MINK1: variants seen among roughly 807,000 people sequenced by gnomAD.
The protein encoded by MINK1 is misshapen-like kinase 1.
In MINK1, 46 loss-of-function variants were observed where a neutral mutation model predicts 178.4. The ratio of observed to expected loss-of-function variants is 0.26; its 90% CI spans 0.20 to 0.33. MINK1 has a LOEUF of 0.33. MINK1 is among the 10% of genes least tolerant of loss of function. The pLI is 1.00. For synonymous variants in MINK1, 797 were observed against 709.7 expected, an observed-to-expected ratio of 1.12 and a Z score of -1.96; for missense variants, 1,366 against 1,814.9, an observed-to-expected ratio of 0.75 and a Z score of 4.49.
At chr17:4,874,537 G>A (rs1189592087) in intron 1 of MINK1, among the ~76,000 whole-genome samples, 1 of 152,156 alleles carries the variant, frequency 6.6e-6, no homozygotes, top group African/African-American at 2.4e-5. Flanking sequence ...CAGGAGGGAG[G>A]ACATGAGGGA....
chr17:4,890,548 G>A lies in MINK1; in HGVS notation c.1379G>A (p.Arg460Gln), dbSNP rs371737553. 6.3e-7 allele frequency: 1 copy of A among 1,589,994 alleles called. No homozygotes were observed. The highest frequency in any genetic ancestry group is 1.1e-5 in the South Asian group (1 of 86,994). ...AAGCGGAAGCAGCTGGAGGAGCAGC[G>A]GCAGTCAGAACGTCTCCAGAGGCAG... is the stretch of plus-strand genomic sequence containing the variant. ...EYKRKQLEEQ[R>Q]QSERLQRQLQ... Residue 460 changes from arginine (R) to glutamine (Q), a missense_variant, in exon 14 of 32, where the codon CGG becomes CAG. Physicochemically the swap from Arg to Gln is conservative, Grantham distance 43 (BLOSUM62 1). Coordinates refer to ENST00000355280, the MANE Select transcript of MINK1 (RefSeq NM_153827.5).
intron 17 of MINK1, 31 bp from the exon 18 acceptor site, chr17:4,892,371 C>T (rs374027276): frequency 9.9e-6 from 15 of 1,508,180 alleles, no homozygotes; most frequent in East Asian, 9.9e-5. Context: ...CCCCCCGCCG[C>T]CCCCTCGGCA....
chr17:4,845,172 C>T (rs370402636), intron 1 of MINK1, among the ~76,000 whole-genome samples: 7 of 152,144 alleles, frequency 4.6e-5, no homozygotes, highest in African/African-American at 1.7e-4. Context: ...TCAGCCAACC[C>T]AGAACACAAC....
chr17:4,866,747 G>A (rs966698137), intron 1 of MINK1, among the ~76,000 whole-genome samples: 24 of 152,062 alleles, frequency 1.6e-4, no homozygotes, highest in Non-Finnish European at 2.8e-4. Flanking sequence ...ACTCCAGCCT[G>A]GGTGACAGAG....
At chr17:4,875,221 C>T in intron 1 of MINK1, 1 of 518,590 alleles carries the variant, frequency 1.9e-6, no homozygotes, top group Non-Finnish European at 3.9e-6. Flanking sequence ...AGGTTCCTTC[C>T]AGCTCTCAGG....
intron 1 of MINK1, among the ~76,000 whole-genome samples, chr17:4,867,684 G>A (rs1020165152): frequency 3.3e-5 from 5 of 151,668 alleles, no homozygotes; most frequent in Non-Finnish European, 7.4e-5. Flanking sequence ...CTACTTGGGA[G>A]GCTGGTAATC....
chr17:4,842,728 A>G (rs1311306581), intron 1 of MINK1, among the ~76,000 whole-genome samples: 2 of 152,210 alleles, frequency 1.3e-5, no homozygotes, highest in East Asian at 3.8e-4. Context: ...AGTGCCCCAA[A>G]GCCTAAGCAG....
At position 4,884,351 on chromosome 17, in the gene MINK1, C is replaced by T; in HGVS notation, c.307-12C>T. 6.2e-7 allele frequency: 1 copy of T among 1,611,766 alleles called. No homozygotes were observed. Among genetic ancestry groups the T allele is most frequent in the Non-Finnish European group, 8.5e-7 (1 of 1,177,954 alleles). ...TGATACTTTTCCTTTCGGTACCTTC[C>T]TGGGATCCTAGCTGGTGATGGAGTT... On this transcript the variant is annotated splice_polypyrimidine_tract_variant and intron_variant, in intron 4 of 31. Coordinates refer to ENST00000355280, the MANE Select transcript of MINK1 (RefSeq NM_153827.5).
Position 4,894,425 on chromosome 17 carries a change from G to T in MINK1, c.2809-100G>T, listed in dbSNP as rs1362707517. The T allele has an allele frequency of 2.0e-6, 3 of 1,523,166 alleles. No homozygotes were observed. The highest frequency in any genetic ancestry group is 3.9e-5 in the Admixed American group (2 of 50,894). 94.4% of individuals were successfully genotyped at this position (1,523,166 alleles called of 1,614,324 possible). A position where few individuals can be genotyped will look rare whatever the true frequency, so the allele number is the denominator to read the frequency against. ...GCGGAGCGCTGGGAGCTGGACAGCG[G>T]GGGTGCCAGTTGGGGAGCTGGAGCC... On this transcript the variant is annotated intron_variant, in intron 23 of 31. Transcript: ENST00000355280. This position sits in a 1 kb window ranked among gnomAD's most constrained non-coding sequence, Gnocchi z 4.1.
intron 1 of MINK1, among the ~76,000 whole-genome samples, chr17:4,845,261 G>C (rs1027406226): frequency 3.9e-5 from 6 of 152,254 alleles, no homozygotes; most frequent in Admixed American, 3.3e-4. Context: ...ATCACAAGAG[G>C]ATTGGGCAGC....
At chr17:4,858,578 GTGAT>G (rs1412820137) in intron 1 of MINK1, among the ~76,000 whole-genome samples, 2 of 151,644 alleles carry the variant, frequency 1.3e-5, no homozygotes, top group Admixed American at 1.3e-4. Context: ...CCAGTCTCAA[GTGAT>G]TCTCATGCCT....
Position 4,885,066 on chromosome 17 carries a change from C to G in MINK1, c.508+64C>G. 1 of 1,506,748 alleles carries G rather than the reference C, an allele frequency of 6.6e-7. No individual in the cohort carries two copies. The highest frequency in any genetic ancestry group is 9.2e-7 in the Non-Finnish European group (1 of 1,091,392). 93.3% of individuals were successfully genotyped at this position (1,506,748 alleles called of 1,614,324 possible). On this transcript the variant is annotated intron_variant, in intron 6 of 31. Coordinates refer to ENST00000355280, the MANE Select transcript of MINK1 (RefSeq NM_153827.5). The surrounding 1 kb of genome is among the most constrained non-coding windows in gnomAD (Gnocchi z 5.0). ...CCTCCAGAACAGAGAATGAGGGGCC[C>G]CTTTTTCTCTCTGGTGGCTCAGGCC... is the stretch of plus-strand genomic sequence containing the variant.
At chr17:4,868,942 G>A in intron 1 of MINK1, 1 of 195,940 alleles carries the variant, frequency 5.1e-6, no homozygotes, top group Middle Eastern at 2.0e-3. Flanking sequence ...TTTATTTTTT[G>A]AGGTGGAGTC....
chr17:4,875,516 T>G (rs1338973964), intron 1 of MINK1: 8 of 453,580 alleles, frequency 1.8e-5, no homozygotes, highest in Admixed American at 4.7e-5. Context: ...CTCACACCTG[T>G]AATCCCAACA....
chr17:4,854,032 C>T (rs1403272200), intron 1 of MINK1, among the ~76,000 whole-genome samples: 1 of 152,122 alleles, frequency 6.6e-6, no homozygotes, highest in Non-Finnish European at 1.5e-5. Flanking sequence ...ACCTCAGAAG[C>T]AAACGGTTTA....
At chr17:4,855,656 G>A (rs1209611097) in intron 1 of MINK1, among the ~76,000 whole-genome samples, 4 of 150,464 alleles carry the variant, frequency 2.7e-5, no homozygotes, top group African/African-American at 9.8e-5. Context: ...TGTAGTCCCA[G>A]CTACTCGGGA....
At chr17:4,835,117 G>A (rs189962614) in intron 1 of MINK1, among the ~76,000 whole-genome samples, 31 of 152,282 alleles carry the variant, frequency 2.0e-4, no homozygotes, top group Non-Finnish European at 3.7e-4. Flanking sequence ...GATGAGGAGA[G>A]GGTCTGAAGG....
chr17:4,859,863 TAAAAAAA>T (rs112114937), intron 1 of MINK1, among the ~76,000 whole-genome samples: 1 of 142,588 alleles, frequency 7.0e-6, no homozygotes, highest in Non-Finnish European at 1.5e-5. Flanking sequence ...CTAAAGTACT[TAAAAAAA>T]AAACCTTTAC....
In MINK1 at chr17:4,896,402, G is replaced by A. The variant is rs765413840; in HGVS notation, c.3616-27G>A. The A allele has an allele frequency of 8.1e-6, 13 of 1,611,856 alleles. No homozygotes were observed. Among genetic ancestry groups the A allele is most frequent in the South Asian group, 1.1e-5 (1 of 90,820 alleles). On this transcript the variant is annotated intron_variant, in intron 29 of 31. Coordinates refer to ENST00000355280, the MANE Select transcript of MINK1 (RefSeq NM_153827.5). This position sits in a 1 kb window ranked among gnomAD's most constrained non-coding sequence, Gnocchi z 4.6. ...GCCCAGTCTGGGCACCAGACACGGA[G>A]ACTCTAGTCCCCCTCCTTCTCCCCA... is the stretch of plus-strand genomic sequence containing the variant.
Sources: gnomAD v4.1 joint callset for allele counts (sites outside exome capture counted in the v4.1 genomes callset) on GRCh38, gnomAD v4.1.1 for gene constraint, Gnocchi (gnomAD v3.1) non-coding constraint, MANE v1.5 for transcripts, NCBI Gene and HGNC (gene_info 2026-07-23, HGNC 2026-07-21) for gene names.